Variants in FDFT1 observed in about 807,000 individuals in gnomAD.
FDFT1 encodes squalene synthase.
Under a neutral mutation model 46.8 loss-of-function variants are expected in FDFT1, and 68 were observed. That is an observed-to-expected ratio of 1.45 (90% confidence interval 1.19 to 1.78). The LOEUF is 1.78. Ranked by LOEUF, FDFT1 falls within the 40% of genes most tolerant of loss-of-function variation. The pLI is 0.00. For synonymous variants in FDFT1, 351 were observed against 185.1 expected (o/e 1.90, Z -7.28); for missense variants, 928 against 524.4 (o/e 1.77, Z -7.52).
chr8:11,831,426 C>T (rs1402952445), intron 6 of FDFT1, 92 bp from the exon 7 acceptor site: 3 of 1,085,518 alleles, frequency 2.8e-6, no homozygotes, highest in East Asian at 4.8e-5. Flanking sequence ...TTAGCAATTG[C>T]CCATTCAACA....
At chr8:11,823,226 A>C (rs1205054058) in intron 4 of FDFT1, among the ~76,000 whole-genome samples, 1 of 152,174 alleles carries the variant, frequency 6.6e-6, no homozygotes, top group African/African-American at 2.4e-5. Flanking sequence ...AAATGTTGGG[A>C]TTACAGGCAT....
chr8:11,826,976 C>T (rs1334029694), intron 5 of FDFT1, among the ~76,000 whole-genome samples: 1 of 152,162 alleles, frequency 6.6e-6, no homozygotes. Flanking sequence ...AAAGGGATGG[C>T]AGGTAGACAA....
At chr8:11,826,740 A>C (rs527825902) in intron 5 of FDFT1, among the ~76,000 whole-genome samples, 1 of 152,304 alleles carries the variant, frequency 6.6e-6, no homozygotes, top group East Asian at 1.9e-4. Context: ...GCTTGAACCC[A>C]GGAAGCAGAG....
rs531759815 is a variant in FDFT1 at position 11,832,551 on chromosome 8, CAA to C, written c.1032+905_1032+906del. Reference sequence around the variant, plus strand: ...TGGGTGATAGAGTGAGACTTTGTCTCAAAAAAAAAAAAAAAAAAAAAAAAAGT... The same window carrying C: ...TGGGTGATAGAGTGAGACTTTGTCTCAAAAAAAAAAAAAAAAAAAAAAAGT... On this transcript the variant is annotated intron_variant, in intron 7 of 7. Coordinates refer to ENST00000220584, the MANE Select transcript of FDFT1 (RefSeq NM_004462.5). 7.9e-3 allele frequency among the ~76,000 whole-genome samples: 288 copies of C among 36,312 alleles called. 3 individuals are homozygous for C. The highest frequency in any genetic ancestry group is 0.031 in the Middle Eastern group (1 of 32). The allele number at this position is 36,312 out of a possible 152,430, so 23.8% of individuals were successfully genotyped here. A position where few individuals can be genotyped will look rare whatever the true frequency, so the allele number is the denominator to read the frequency against.
At chr8:11,809,927 C>T (rs1163317473) in intron 3 of FDFT1, 77 bp downstream of exon 3, 2 of 1,126,126 alleles carry the variant, frequency 1.8e-6, no homozygotes, top group Non-Finnish European at 2.6e-6. Context: ...AGCCTCCATA[C>T]ATGTGGAGAA....
chr8:11,832,195 A>G (rs1440775922), intron 7 of FDFT1, among the ~76,000 whole-genome samples: 2 of 152,164 alleles, frequency 1.3e-5, no homozygotes, highest in African/African-American at 4.8e-5. Flanking sequence ...TCAAATACCA[A>G]AACCATCCTA....
At chr8:11,802,121 G>A, upstream of FDFT1, 1 of 454,460 alleles carries the variant, frequency 2.2e-6, no homozygotes, top group Non-Finnish European at 4.4e-6. Flanking sequence ...CTAGAGAGGG[G>A]GCAGCTGAAG....
chr8:11,817,111 G>GC (rs1471060339), intron 3 of FDFT1, among the ~76,000 whole-genome samples: 1 of 152,170 alleles, frequency 6.6e-6, no homozygotes, highest in Non-Finnish European at 1.5e-5. Flanking sequence ...GGCCTTTCGT[G>GC]CATCTATTGA....
chr8:11,830,420 G>GAA lies in FDFT1; in HGVS notation c.879_879+1insAA (p.Val294LysfsTer2). On this transcript the variant is annotated frameshift_variant and splice_region_variant. Coordinates refer to ENST00000220584, the MANE Select transcript of FDFT1 (RefSeq NM_004462.5). LOFTEE classifies it high-confidence loss of function. ...TGTTTAACTTCTGTGCTATTCCACA[G>GAA]GTAGGGAAGGGGGCTCCTCTGGGTG... The GAA allele has an allele frequency of 6.2e-7, 1 of 1,611,116 alleles. No homozygotes were observed. Among genetic ancestry groups the GAA allele is most frequent in the Non-Finnish European group, 8.5e-7 (1 of 1,177,874 alleles).
At chr8:11,816,565 C>G (rs539797785) in intron 3 of FDFT1, among the ~76,000 whole-genome samples, 1 of 152,098 alleles carries the variant, frequency 6.6e-6, no homozygotes, top group Admixed American at 6.5e-5. Context: ...TTGTAGTTCT[C>G]TTTGAAGAGG....
chr8:11,825,482 G>A (rs1285277157), intron 4 of FDFT1, among the ~76,000 whole-genome samples: 1 of 148,744 alleles, frequency 6.7e-6, no homozygotes, highest in African/African-American at 2.5e-5. Context: ...AGAGGTTGCA[G>A]TGAGTTGAGA....
At chr8:11,810,079 C>G (rs570383226) in intron 3 of FDFT1, 1 of 491,124 alleles carries the variant, frequency 2.0e-6, no homozygotes, top group Admixed American at 3.7e-5. Context: ...ACTCTCTGTG[C>G]CTCAGTTTCT....
chr8:11,821,887 CAT>C lies in FDFT1; in HGVS notation c.510+11_510+12del, dbSNP rs764562254. 4 of 1,611,726 alleles carry C rather than the reference CAT, an allele frequency of 2.5e-6. No individual in the cohort carries two copies. In the South Asian group the frequency reaches 3.3e-5, roughly 13 times the overall value. On this transcript the variant is annotated intron_variant, in intron 4 of 7. Coordinates refer to ENST00000220584, the MANE Select transcript of FDFT1 (RefSeq NM_004462.5). ...AACAGGAGTGGGACAAGGTTAGTCT[CAT>C]AAAACAGTGTCTGTGTGTGATGTAT...
intron 4 of FDFT1, among the ~76,000 whole-genome samples, chr8:11,825,319 A>G (rs1240294387): frequency 1.3e-5 from 2 of 152,074 alleles, no homozygotes; most frequent in Non-Finnish European, 1.5e-5. Flanking sequence ...AGGCTGGCAG[A>G]TCAGTTGAGG....
In FDFT1 at chr8:11,808,798, C is replaced by G; in HGVS notation, c.104C>G (p.Ser35Trp). The G allele has an allele frequency of 2.5e-6, 4 of 1,613,658 alleles. No homozygotes were observed. Among genetic ancestry groups the G allele is most frequent in the Non-Finnish European group, 3.4e-6 (4 of 1,179,908 alleles). ...RKVMPKMDQD[S>W]LSSSLKTCYK... Reference sequence around the variant, plus strand: ...GTGTGTGTTGTCTGCCCGCAGGACTCGCTCAGCAGCAGCCTGAAAACTTGC... The same window carrying G: ...GTGTGTGTTGTCTGCCCGCAGGACTGGCTCAGCAGCAGCCTGAAAACTTGC... Residue 35 changes from serine (S) to tryptophan (W), a missense_variant, in exon 2 of 8, where the codon TCG (serine) becomes TGG (tryptophan). Physicochemically the swap from Ser to Trp is radical, Grantham distance 177 (BLOSUM62 -3). Coordinates refer to ENST00000220584, the MANE Select transcript of FDFT1 (RefSeq NM_004462.5).
In FDFT1 at chr8:11,813,155, A is replaced by C. The variant is rs540843398; in HGVS notation, c.381+3305A>C. Among the ~76,000 whole-genome samples the C allele has an allele frequency of 5.9e-5, 9 of 152,308 alleles. No individual in the cohort carries two copies. The East Asian group carries it at 1.7e-3, about 29-fold the overall frequency. On this transcript the variant is annotated intron_variant, in intron 3 of 7. Transcript: ENST00000220584. ...AAAGGTATAGTAAAAACAGGGTGTTACAGTCTTAAGGGCCCACCATTGTAT... is the reference window on the plus strand; with the variant it reads ...AAAGGTATAGTAAAAACAGGGTGTTCCAGTCTTAAGGGCCCACCATTGTAT...
intron 1 of FDFT1, among the ~76,000 whole-genome samples, chr8:11,806,764 G>A (rs917801071): frequency 2.0e-5 from 3 of 152,096 alleles, no homozygotes; most frequent in Non-Finnish European, 4.4e-5. Flanking sequence ...CTTTCACTCT[G>A]AAATCCTGCC....
At chr8:11,810,524 A>G (rs933782604) in intron 3 of FDFT1, among the ~76,000 whole-genome samples, 3 of 152,200 alleles carry the variant, frequency 2.0e-5, no homozygotes, top group Non-Finnish European at 4.4e-5. Context: ...TCGCACATAT[A>G]AAGTACTTAG....
intron 3 of FDFT1, among the ~76,000 whole-genome samples, chr8:11,811,721 G>T (rs1211331072): frequency 6.6e-6 from 1 of 152,246 alleles, no homozygotes; most frequent in Non-Finnish European, 1.5e-5. Flanking sequence ...GTTGCCCCGG[G>T]AAGAGTAAAA....
Sources: gnomAD v4.1 joint callset for allele counts (sites outside exome capture counted in the v4.1 genomes callset) on GRCh38, gnomAD v4.1.1 for gene constraint, MANE v1.5 for transcripts, NCBI Gene and HGNC (gene_info 2026-07-23, HGNC 2026-07-21) for gene names.